Variants in USP28 observed in about 807,000 individuals in gnomAD.
USP28 encodes the protein ubiquitin carboxyl-terminal hydrolase 28.
Under a neutral mutation model 145.0 loss-of-function variants are expected in USP28, and 113 were observed. The ratio of observed to expected loss-of-function variants is 0.78; its 90% CI spans 0.67 to 0.91. USP28 has a LOEUF of 0.91. USP28 is among the 40% of genes least tolerant of loss of function. The probability of loss-of-function intolerance (pLI) is 0.00; values close to 1 mark genes in which losing one functional copy is unlikely to be tolerated. For synonymous variants in USP28, 447 were observed against 450.9 expected, an observed-to-expected ratio of 0.99 and a Z score of 0.11; for missense variants, 1,201 against 1,289.6, an observed-to-expected ratio of 0.93 and a Z score of 1.05.
At chr11:113,872,004 C>T (rs1948867431) in intron 1 of USP28, among the ~76,000 whole-genome samples, 1 of 152,174 alleles carries the variant, frequency 6.6e-6, no homozygotes, top group South Asian at 2.1e-4. Flanking sequence ...TATAAGCCTT[C>T]TCATAGAAAC....
intron 3 of USP28, among the ~76,000 whole-genome samples, chr11:113,846,336 AAAG>A (rs1269383260): frequency 2.0e-5 from 3 of 152,360 alleles, no homozygotes; most frequent in Admixed American, 6.5e-5. Flanking sequence ...AGACTGGAAA[AAAG>A]AAGAAATACT....
intron 5 of USP28, among the ~76,000 whole-genome samples, chr11:113,839,380 T>C (rs1362092597): frequency 6.6e-6 from 1 of 151,320 alleles, no homozygotes; most frequent in East Asian, 2.0e-4. Flanking sequence ...AGGTCAGGAG[T>C]TCAAGACCAG....
At chr11:113,850,874 G>A (rs532787444) in intron 3 of USP28, among the ~76,000 whole-genome samples, 25 of 152,228 alleles carry the variant, frequency 1.6e-4, no homozygotes, top group South Asian at 4.1e-4. Flanking sequence ...GTGCACCTGG[G>A]TCTCCACCAT....
At chr11:113,833,385 T>C (rs750393317) in intron 7 of USP28, 35 bp downstream of exon 7, 12 of 1,605,180 alleles carry the variant, frequency 7.5e-6, no homozygotes, top group Non-Finnish European at 8.5e-6. Flanking sequence ...TGACAAGGCA[T>C]GACTTCAAAC....
intron 9 of USP28, 155 bp from the exon 10 acceptor site, chr11:113,829,500 T>G: frequency 1.2e-6 from 1 of 828,416 alleles, no homozygotes; most frequent in South Asian, 1.8e-5. Context: ...AGTGAGCCAG[T>G]CAATCTAGAC....
At chr11:113,830,931 G>A in exon 9 of USP28, 6 of 1,614,036 alleles carry the variant, frequency 3.7e-6, no homozygotes, top group Non-Finnish European at 4.2e-6. Context: ...TTTCAGATTT[G>A]TTCCTGGGAC....
At chr11:113,867,811 G>GAGGGAGGGAGGA (rs1240751280) in intron 1 of USP28, among the ~76,000 whole-genome samples, 15 of 146,294 alleles carry the variant, frequency 1.0e-4, no homozygotes, top group Non-Finnish European at 2.0e-4. Context: ...AGGGGGGAGG[G>GAGGGAGGGAGGA]AGGGAGGGAG....
At chr11:113,806,947 T>C (rs1591492305) in intron 18 of USP28, among the ~76,000 whole-genome samples, 1 of 152,252 alleles carries the variant, frequency 6.6e-6, no homozygotes, top group South Asian at 2.1e-4. Flanking sequence ...TTTAGTTCTG[T>C]ACTTTGGGTG....
chr11:113,848,377 T>C (rs1259844214), intron 3 of USP28, among the ~76,000 whole-genome samples: 1 of 152,110 alleles, frequency 6.6e-6, no homozygotes, highest in Admixed American at 6.6e-5. Context: ...TGGGGCAATG[T>C]TGAGGCAGGT....
intron 13 of USP28, 88 bp downstream of exon 13, chr11:113,817,570 G>A: frequency 1.4e-6 from 2 of 1,436,464 alleles, no homozygotes; most frequent in Non-Finnish European, 1.9e-6. Flanking sequence ...TCTTATAGGT[G>A]ACTGTCAATC....
chr11:113,811,161 T>C lies in USP28; in HGVS notation c.1972+1115A>G, dbSNP rs540243494. On this transcript the variant is annotated intron_variant, in intron 16 of 24. Coordinates refer to ENST00000003302, the Ensembl canonical transcript of USP28. ...ATTTGAATCTTGGGACTGCCATTTA[T>C]TGACTATGTGATTACTCAACTTTAG... 3.2e-4 allele frequency among the ~76,000 whole-genome samples: 49 copies of C among 152,352 alleles called. No individual in the cohort carries two copies. In the South Asian group the frequency reaches 5.2e-3, roughly 16 times the overall value.
intron 5 of USP28, among the ~76,000 whole-genome samples, chr11:113,836,807 C>T (rs973043262): frequency 6.6e-6 from 1 of 152,144 alleles, no homozygotes; most frequent in Non-Finnish European, 1.5e-5. Flanking sequence ...CAGTCTGCCA[C>T]TGGGGACTTT....
chr11:113,852,974 T>C (rs1357038647), intron 2 of USP28, among the ~76,000 whole-genome samples: 4 of 152,206 alleles, frequency 2.6e-5, no homozygotes, highest in Non-Finnish European at 5.9e-5. Flanking sequence ...GCAATTAACA[T>C]AGACATTCTA....
At chr11:113,847,901 T>C (rs1279690988) in intron 3 of USP28, among the ~76,000 whole-genome samples, 1 of 152,194 alleles carries the variant, frequency 6.6e-6, no homozygotes, top group Non-Finnish European at 1.5e-5. Flanking sequence ...TCATACAACA[T>C]GACTGTAGCA....
Position 113,803,433 on chromosome 11 carries a change from A to T in USP28, c.2739-152T>A, listed in dbSNP as rs772119969. On this transcript the variant is annotated intron_variant, in intron 22 of 24. Transcript: ENST00000003302. ...CGTAGCCAGTCTCATCTCTTCTACA[A>T]ATTGGCCTAGCCATCCAAAGCAAAT... 6.5e-6 allele frequency: 6 copies of T among 921,760 alleles called. No homozygotes were observed. The Admixed American group carries it at 2.0e-4, about 31-fold the overall frequency. 57.1% of individuals were successfully genotyped at this position (921,760 alleles called of 1,614,324 possible). A position where few individuals can be genotyped will look rare whatever the true frequency, so the allele number is the denominator to read the frequency against.
Position 113,816,207 on chromosome 11 carries a change from C to T in USP28, c.1464-825G>A, listed in dbSNP as rs543168937. ...AGCTGAAGAATATAAACTTCCTTTA[C>T]TTTGACTTAAAAAAAAACTCTCACT... On this transcript the variant is annotated intron_variant, in intron 13 of 24. Coordinates refer to ENST00000003302, the Ensembl canonical transcript of USP28. Among the ~76,000 whole-genome samples, 9 of 152,158 alleles carry T rather than the reference C, an allele frequency of 5.9e-5. No homozygotes were observed. The East Asian group carries it at 1.5e-3, about 26-fold the overall frequency.
chr11:113,833,496 G>A, exon 7 of USP28: 1 of 1,614,106 alleles, frequency 6.2e-7, no homozygotes, highest in South Asian at 1.1e-5. Context: ...TTTTCTATTT[G>A]ATCCCATCAT....
intron 24 of USP28, among the ~76,000 whole-genome samples, chr11:113,800,195 C>A (rs945453379): frequency 3.3e-5 from 5 of 152,020 alleles, no homozygotes; most frequent in African/African-American, 1.2e-4. Context: ...TTAGTAGAGA[C>A]GGGGTTTCAC....
chr11:113,813,215 C>A (rs938487097), intron 15 of USP28, among the ~76,000 whole-genome samples: 1 of 152,152 alleles, frequency 6.6e-6, no homozygotes, highest in African/African-American at 2.4e-5. Context: ...GGGAAGCCTG[C>A]GTTTTACATG....
Sources: allele counts gnomAD v4.1 joint callset (sites outside exome capture counted in the v4.1 genomes callset), GRCh38; gene constraint gnomAD v4.1.1; transcripts MANE v1.5; gene names NCBI Gene and HGNC (gene_info 2026-07-23, HGNC 2026-07-21).